Variants in CBFA2T3 observed in about 807,000 individuals in gnomAD.
The protein encoded by CBFA2T3 is CBFA2/RUNX1 partner transcriptional co-repressor 3.
CBFA2T3 carries 31 observed loss-of-function variants against 58.6 expected under a neutral mutation model. The ratio of observed to expected loss-of-function variants is 0.53; its 90% CI spans 0.40 to 0.71. The LOEUF (loss-of-function observed/expected upper bound fraction) is 0.71, where lower values mean the gene tolerates loss of function less well. Among genes scored for constraint, CBFA2T3 ranks in the 30% least tolerant of loss-of-function variants. The pLI, the probability that CBFA2T3 is intolerant of heterozygous loss-of-function variation, is 0.00. For synonymous variants in CBFA2T3, 531 were observed against 421.9 expected, an observed-to-expected ratio of 1.26 and a Z score of -3.17; for missense variants, 1,076 against 963.1, an observed-to-expected ratio of 1.12 and a Z score of -1.55.
At chr16:88,924,111 C>T (rs749844104) in intron 1 of CBFA2T3, among the ~76,000 whole-genome samples, 4 of 151,362 alleles carry the variant, frequency 2.6e-5, no homozygotes, top group East Asian at 1.9e-4. Context: ...GGGAGGGCCG[C>T]GCCTGCTGGG....
rs1305762096 is a variant in CBFA2T3 at position 88,876,911 on chromosome 16, C to T, written c.*65G>A. The T allele has an allele frequency of 1.5e-5, 19 of 1,247,452 alleles. No homozygotes were observed. The highest frequency in any genetic ancestry group is 7.0e-5 in the South Asian group (4 of 57,004). 77.3% of individuals were successfully genotyped at this position (1,247,452 alleles called of 1,614,324 possible). On this transcript the variant is annotated 3_prime_UTR_variant, in exon 12 of 12. Coordinates refer to ENST00000268679, the MANE Select transcript of CBFA2T3 (RefSeq NM_005187.6). Reference sequence around the variant, plus strand: ...GGCATCGGAGGCCAGGCACAGCATCCGGTGGGCCTGGAGCTGGGTGGGGTT... The same window carrying T: ...GGCATCGGAGGCCAGGCACAGCATCTGGTGGGCCTGGAGCTGGGTGGGGTT...
At chr16:88,923,761 G>C (rs1469757402) in intron 1 of CBFA2T3, among the ~76,000 whole-genome samples, 2 of 152,190 alleles carry the variant, frequency 1.3e-5, no homozygotes, top group African/African-American at 4.8e-5. Flanking sequence ...CTCGGGCTCT[G>C]GGCTCCTGGG....
rs932858253 is a variant in CBFA2T3 at position 88,956,374 on chromosome 16, G to A, written c.151+20283C>T. Among the ~76,000 whole-genome samples, 154 of 152,390 alleles carry A rather than the reference G, an allele frequency of 1.0e-3. 2 individuals are homozygous for A. In the Middle Eastern group the frequency reaches 0.01, roughly 10 times the overall value. ...CGGGTCCCCGGGACACAGCGTGTCC[G>A]CCTGCTCTTCCCCAGGGGTCTCAGG... On this transcript the variant is annotated intron_variant, in intron 1 of 11. Coordinates refer to ENST00000268679, the MANE Select transcript of CBFA2T3 (RefSeq NM_005187.6).
chr16:88,976,683 G>C lies in CBFA2T3; in HGVS notation c.125C>G (p.Pro42Arg). Residue 42 changes from proline (P) to arginine (R), a missense_variant, in exon 1 of 12, where the codon CCC (proline) becomes CGC (arginine). Physicochemically the swap from Pro to Arg is moderately radical, Grantham distance 103. Transcript: ENST00000268679. ...TGGGCCGCCCTTCCTGGGACCCCGG[G>C]GTGCGGAGCAGCCGGCAGATGCCAG... ...GLLASAGCSA[P>R]RGPRKGGPAP... is the part of the protein sequence containing the mutation. 2 of 1,563,332 alleles carry C rather than the reference G, an allele frequency of 1.3e-6. No individual in the cohort carries two copies. Among genetic ancestry groups the C allele is most frequent in the Non-Finnish European group, 1.7e-6 (2 of 1,153,872 alleles).
At chr16:88,905,509 G>A (rs2142663295) in intron 1 of CBFA2T3, among the ~76,000 whole-genome samples, 1 of 151,866 alleles carries the variant, frequency 6.6e-6, no homozygotes, top group Middle Eastern at 3.4e-3. Context: ...GTGCTTGACT[G>A]GGCCCCCCAG....
chr16:88,892,086 G>A lies in CBFA2T3; in HGVS notation c.622-115C>T, dbSNP rs369867919. 695 of 1,340,596 alleles carry A rather than the reference G, an allele frequency of 5.2e-4. 4 individuals carry two copies. In the African/African-American group the frequency reaches 8.9e-3, roughly 17 times the overall value. 83.0% of individuals were successfully genotyped at this position (1,340,596 alleles called of 1,614,324 possible). On this transcript the variant is annotated intron_variant, in intron 4 of 11. Transcript: ENST00000268679. ...TTGGAGGCAGGCAGGCAGCCCAGGA[G>A]CTGGGCACGGCCTGAGAGGGTGCAG...
intron 1 of CBFA2T3, among the ~76,000 whole-genome samples, chr16:88,962,664 G>A (rs921023595): frequency 5.9e-5 from 9 of 152,208 alleles, no homozygotes; most frequent in Admixed American, 4.6e-4. Flanking sequence ...AGACAGCCAC[G>A]TAGCCGGAGC....
intron 1 of CBFA2T3, among the ~76,000 whole-genome samples, chr16:88,905,189 G>C (rs1006311163): frequency 2.0e-5 from 3 of 152,070 alleles, no homozygotes; most frequent in African/African-American, 7.3e-5. Flanking sequence ...AGCTGGCGCC[G>C]TCTCTGGGGC....
chr16:88,888,044 A>G (rs973913629), intron 5 of CBFA2T3, among the ~76,000 whole-genome samples: 1 of 152,100 alleles, frequency 6.6e-6, no homozygotes, highest in Non-Finnish European at 1.5e-5. Context: ...GTATCTGCAA[A>G]CTAGCGCTGT....
At chr16:88,937,151 A>C (rs779135842) in intron 1 of CBFA2T3, 9 of 152,282 alleles carry the variant, frequency 5.9e-5, no homozygotes, top group Non-Finnish European at 1.2e-4. Context: ...ACGGAAGCGC[A>C]GAAGCAGAAC....
chr16:88,917,639 T>C (rs1317944365), intron 1 of CBFA2T3, among the ~76,000 whole-genome samples: 3 of 152,194 alleles, frequency 2.0e-5, no homozygotes, highest in East Asian at 1.9e-4. Context: ...AAGTTTAAAG[T>C]CAGCCACTGC....
intron 9 of CBFA2T3, 25 bp downstream of exon 9, chr16:88,881,266 C>T: frequency 6.3e-7 from 1 of 1,592,026 alleles, no homozygotes. Flanking sequence ...CGTGTCTGCT[C>T]CCTCCCCCCA....
At chr16:88,905,465 C>A (rs1380349881) in intron 1 of CBFA2T3, among the ~76,000 whole-genome samples, 2 of 151,950 alleles carry the variant, frequency 1.3e-5, no homozygotes, top group Non-Finnish European at 2.9e-5. Context: ...ACTGGGCGGT[C>A]CTGCCTCTTG....
chr16:88,917,921 G>A (rs1298796971), intron 1 of CBFA2T3, among the ~76,000 whole-genome samples: 1 of 152,172 alleles, frequency 6.6e-6, no homozygotes, highest in African/African-American at 2.4e-5. Flanking sequence ...TCCCTCCGGG[G>A]TGCGTGGAGG....
chr16:88,940,589 G>A (rs898031690), intron 1 of CBFA2T3, among the ~76,000 whole-genome samples: 4 of 152,220 alleles, frequency 2.6e-5, no homozygotes, highest in Non-Finnish European at 4.4e-5. Flanking sequence ...GGGCAGCGCC[G>A]GGGACCCGGG....
chr16:88,964,945 CATCCATCT>C (rs1263659052), intron 1 of CBFA2T3, among the ~76,000 whole-genome samples: 1,678 of 131,870 alleles, frequency 0.013, 33 homozygotes, highest in African/African-American at 0.047. Context: ...TCCATCCATC[CATCCATCT>C]ATCCATCTAT....
intron 3 of CBFA2T3, among the ~76,000 whole-genome samples, chr16:88,897,235 G>A (rs902606296): frequency 6.6e-6 from 1 of 152,250 alleles, no homozygotes. Context: ...GCGCGAGTGC[G>A]TGGCCAGGCC....
chr16:88,923,883 A>G (rs1484407533), intron 1 of CBFA2T3, among the ~76,000 whole-genome samples: 1 of 152,190 alleles, frequency 6.6e-6, no homozygotes. Flanking sequence ...GAGCCCAGTC[A>G]AAGGTGAGAG....
At chr16:88,888,213 C>T (rs930359181) in intron 5 of CBFA2T3, among the ~76,000 whole-genome samples, 1 of 151,786 alleles carries the variant, frequency 6.6e-6, no homozygotes, top group Non-Finnish European at 1.5e-5. Flanking sequence ...TCTCCGGCCC[C>T]TCAGCCACGA....
Sources: allele counts gnomAD v4.1 joint callset (sites outside exome capture counted in the v4.1 genomes callset), GRCh38; gene constraint gnomAD v4.1.1; transcripts MANE v1.5; gene names NCBI Gene and HGNC (gene_info 2026-07-23, HGNC 2026-07-21).